Variants in DYNC1H1 observed in about 807,000 individuals in gnomAD.
DYNC1H1 encodes cytoplasmic dynein 1 heavy chain 1.
A neutral mutation model predicts 527.1 loss-of-function variants in DYNC1H1; 51 were observed. The ratio of observed to expected loss-of-function variants is 0.10; its 90% CI spans 0.08 to 0.12. The LOEUF (loss-of-function observed/expected upper bound fraction) is 0.12. DYNC1H1 is among the 10% of genes least tolerant of loss of function. The pLI, the probability that DYNC1H1 is intolerant of heterozygous loss-of-function variation, is 1.00. For synonymous variants in DYNC1H1, 2,189 were observed against 2,278.8 expected (o/e 0.96, Z 1.12); for missense variants, 2,771 against 5,971.8 (o/e 0.46, Z 17.66).
Position 102,029,795 on chromosome 14 carries a change from C to G in DYNC1H1, c.9643-24C>G. 2 of 1,614,140 alleles carry G rather than the reference C, an allele frequency of 1.2e-6. No individual in the cohort carries two copies. Among genetic ancestry groups the G allele is most frequent in the Non-Finnish European group, 1.7e-6 (2 of 1,180,032 alleles). On this transcript the variant is annotated intron_variant, in intron 49 of 77. Coordinates refer to ENST00000360184, the MANE Select transcript of DYNC1H1 (RefSeq NM_001376.5). The surrounding 1 kb of genome is among the most constrained non-coding windows in gnomAD (Gnocchi z 5.3). ...TATAATTTCTGCATGTTTCTCGTCT[C>G]TGAGTGTGGGCTTTGCTCTTTAGGT...
In DYNC1H1 at chr14:101,964,620, GTC is replaced by G. The variant is rs1328940859; in HGVS notation, c.-68_-67del. On this transcript the variant is annotated 5_prime_UTR_variant, in exon 1 of 78. Coordinates refer to ENST00000360184, the MANE Select transcript of DYNC1H1 (RefSeq NM_001376.5). This position sits in a 1 kb window ranked among gnomAD's most constrained non-coding sequence, Gnocchi z 5.5. ...GGTCCGGCTTCCGGCGGCCGTTTCT[GTC>G]TCTTGCTGGCTGTCTCGCTGAGTCG... 1 of 1,536,936 alleles carries G rather than the reference GTC, an allele frequency of 6.5e-7. No homozygotes were observed. The highest frequency in any genetic ancestry group is 1.2e-5 in the South Asian group (1 of 84,460).
In DYNC1H1 at chr14:102,000,084, C is replaced by G. The variant is rs1725610555; in HGVS notation, c.3900C>G (p.Ala1300=). ...ACGACAGAGAGAAGTGTGCAAAGGC[C>G]AAGGAGGCGCTGGAATTGACAGATA... ...LKDDREKCAK[A]KEALELTDTG... is the part of the protein sequence containing the mutation. Residue 1300 remains alanine (A), a synonymous_variant, in exon 17 of 78, where the codon GCC becomes GCG. Transcript: ENST00000360184. 1 of 1,613,976 alleles carries G rather than the reference C, an allele frequency of 6.2e-7. No individual in the cohort carries two copies. Among genetic ancestry groups the G allele is most frequent in the Admixed American group, 1.7e-5 (1 of 59,990 alleles).
Position 101,964,780 on chromosome 14 carries a change from T to C in DYNC1H1, c.89T>C (p.Leu30Pro). 6.2e-7 allele frequency: 1 copy of C among 1,601,540 alleles called. No individual in the cohort carries two copies. Among genetic ancestry groups the C allele is most frequent in the Non-Finnish European group, 8.5e-7 (1 of 1,176,544 alleles). ...AVQNVADVSV[L>P]QKHLRKLVPL... ...CAGAATGTGGCGGACGTGTCGGTGC[T>C]GCAGAAGCACCTGCGCAAGCTGGTG... Residue 30 changes from leucine (L) to proline (P), a missense_variant, in exon 1 of 78, where the codon CTG becomes CCG. Physicochemically the swap from Leu to Pro is moderately conservative, Grantham distance 98 (BLOSUM62 -3). Transcript: ENST00000360184. The surrounding 1 kb of genome is among the most constrained non-coding windows in gnomAD (Gnocchi z 5.5).
At chr14:102,037,769 A>G (rs941888572) in intron 57 of DYNC1H1, 8 of 153,230 alleles carry the variant, frequency 5.2e-5, no homozygotes, top group Admixed American at 5.2e-4. Context: ...GTGTTTTTAA[A>G]TAAAGCATGT....
rs1336490779 is a variant in DYNC1H1, at chr14:102,016,173, T to A, written c.7473+87T>A. The A allele has an allele frequency of 6.6e-7, 1 of 1,522,072 alleles. No individual in the cohort carries two copies. Among genetic ancestry groups the A allele is most frequent in the Non-Finnish European group, 8.9e-7 (1 of 1,122,810 alleles). The allele number at this position is 1,522,072 out of a possible 1,614,324, so 94.3% of individuals were successfully genotyped here. On this transcript the variant is annotated intron_variant, in intron 36 of 77. Transcript: ENST00000360184. The surrounding 1 kb of genome is among the most constrained non-coding windows in gnomAD (Gnocchi z 7.3). ...CTCTGAAATGCTGCACCTGTGGGGA[T>A]GTGCGCTCTCTCCTAGGCGAGGCAG...
chr14:102,016,798 G>A lies in DYNC1H1; in HGVS notation c.7647G>A (p.Gln2549=), dbSNP rs2152582647. 1 of 1,613,786 alleles carries A rather than the reference G, an allele frequency of 6.2e-7. No homozygotes were observed. The highest frequency in any genetic ancestry group is 2.2e-5 in the East Asian group (1 of 44,902). ...VSISGEWSPW[Q]AKVPQIEVET... ...TCAGCGGAGAATGGTCTCCGTGGCA[G>A]GCCAAGGTGCCTCAGATTGAAGTGG... The change falls in exon 38 of 78, where the codon CAG becomes CAA. Residue 2549 remains glutamine, a synonymous_variant. Transcript: ENST00000360184. This position sits in a 1 kb window ranked among gnomAD's most constrained non-coding sequence, Gnocchi z 7.3.
intron 72 of DYNC1H1, 188 bp from the exon 73 acceptor site, chr14:102,047,629 G>GTA (rs1458722887): frequency 7.6e-5 from 30 of 395,764 alleles, no homozygotes; most frequent in Admixed American, 1.2e-4. Context: ...ACGTGTGTGT[G>GTA]TGTGTGTGTG....
In DYNC1H1 at chr14:102,040,294, A is replaced by C. The variant is rs201024297; in HGVS notation, c.11749A>C (p.Ser3917Arg). The change falls in exon 63 of 78, where the codon AGT becomes CGT. Residue 3917 changes from serine (S) to arginine (R), a missense_variant. Ser to Arg is a moderately radical substitution (Grantham distance 110, BLOSUM62 -1). Coordinates refer to ENST00000360184, the MANE Select transcript of DYNC1H1 (RefSeq NM_001376.5). ...HFLRGNEIVLSAGSTPRIQGL... is the reference protein window; with the variant it reads ...HFLRGNEIVLRAGSTPRIQGL... The stretch of plus-strand genomic sequence containing the variant: ...CTTGAGAGGAAATGAGATTGTCCTG[A>C]GTGCTGGCTCCACCCCCAGGATCCA... The C allele has an allele frequency of 8.7e-6, 14 of 1,614,160 alleles. No individual in the cohort carries two copies. In the East Asian group the frequency reaches 2.9e-4, roughly 33 times the overall value.
Position 101,965,017 on chromosome 14 carries a change from G to A in DYNC1H1, c.256+70G>A, listed in dbSNP as rs944440277. The A allele has an allele frequency of 4.0e-6, 6 of 1,497,712 alleles. No individual in the cohort carries two copies. The African/African-American group carries it at 7.0e-5, about 17-fold the overall frequency. The allele number at this position is 1,497,712 out of a possible 1,614,324, so 92.8% of individuals were successfully genotyped here. On this transcript the variant is annotated intron_variant, in intron 1 of 77. Coordinates refer to ENST00000360184, the MANE Select transcript of DYNC1H1 (RefSeq NM_001376.5). The surrounding 1 kb of genome is among the most constrained non-coding windows in gnomAD (Gnocchi z 4.1). Reference sequence around the variant, plus strand: ...GAATGCAGGGCCTGCCAGGTCCTCCGGGGTCGCAGATGTCCCCGGGATGGG... The same window carrying A: ...GAATGCAGGGCCTGCCAGGTCCTCCAGGGTCGCAGATGTCCCCGGGATGGG...
chr14:102,024,301 G>A (rs111887506), intron 43 of DYNC1H1, among the ~76,000 whole-genome samples: 23 of 152,298 alleles, frequency 1.5e-4, no homozygotes, highest in African/African-American at 5.1e-4. Context: ...GACGTTTACC[G>A]AGTTACAGTC....
Position 102,053,014 on chromosome 14 carries a change from G to A in DYNC1H1, c.*2451G>A, listed in dbSNP as rs965348493. The A allele has an allele frequency of 5.9e-5, 9 of 152,136 alleles. No homozygotes were observed. Among genetic ancestry groups the A allele is most frequent in the Admixed American group, 2.6e-4 (4 of 15,264 alleles). The allele number at this position is 152,136 out of a possible 1,614,324, so 9.4% of individuals were successfully genotyped here. ...AAAGATCTAAAAGCTGAGGACAAAA[G>A]TGTTTCTCAGTCCAAGAGCAGTTCT... On this transcript the variant is annotated 3_prime_UTR_variant, in exon 78 of 78. Coordinates refer to ENST00000360184, the MANE Select transcript of DYNC1H1 (RefSeq NM_001376.5).
rs745348478 is a variant in DYNC1H1, at chr14:102,015,203, C to T, written c.7113C>T (p.Thr2371=). ...MVWFSEDVLS[T]DMIFNNFLAR... ...GGTTCAGTGAGGATGTGCTGAGCACCGACATGATCTTCAACAACTTCCTGG... is the reference window on the plus strand; with the variant it reads ...GGTTCAGTGAGGATGTGCTGAGCACTGACATGATCTTCAACAACTTCCTGG... The change falls in exon 35 of 78, where the codon ACC becomes ACT. Residue 2371 remains threonine, a synonymous_variant. Coordinates refer to ENST00000360184, the MANE Select transcript of DYNC1H1 (RefSeq NM_001376.5). This position sits in a 1 kb window ranked among gnomAD's most constrained non-coding sequence, Gnocchi z 6.9. 1.5e-5 allele frequency: 25 copies of T among 1,614,056 alleles called. No homozygotes were observed. Among genetic ancestry groups the T allele is most frequent in the South Asian group, 9.9e-5 (9 of 91,082 alleles).
intron 2 of DYNC1H1, among the ~76,000 whole-genome samples, chr14:101,976,396 G>T (rs964382544): frequency 6.6e-6 from 1 of 151,406 alleles, no homozygotes; most frequent in Non-Finnish European, 1.5e-5. Flanking sequence ...TACAAAATTA[G>T]CCAGGCGTGG....
At chr14:101,992,857 C>T (rs1462034463) in intron 11 of DYNC1H1, among the ~76,000 whole-genome samples, 1 of 152,194 alleles carries the variant, frequency 6.6e-6, no homozygotes, top group Non-Finnish European at 1.5e-5. Flanking sequence ...AGTGGCTGGT[C>T]TCCTTTCTCG....
rs1186003090 is a variant in DYNC1H1 at position 102,030,427 on chromosome 14, T to C, written c.9883+145T>C. On this transcript the variant is annotated intron_variant, in intron 51 of 77. Transcript: ENST00000360184. ...AATATCATTAGTAACCATCTGAAGC[T>C]TTTTCTGAATGCTTGAGATTGTCTT... 8.4e-6 allele frequency: 10 copies of C among 1,197,528 alleles called. No individual in the cohort carries two copies. The African/African-American group carries it at 1.4e-4, about 16-fold the overall frequency. The allele number at this position is 1,197,528 out of a possible 1,614,324, so 74.2% of individuals were successfully genotyped here.
rs1343136370 is a variant in DYNC1H1, at chr14:102,041,515, G to C, written c.11942-59G>C. The C allele has an allele frequency of 6.2e-7, 1 of 1,611,430 alleles. No individual in the cohort carries two copies. Among genetic ancestry groups the C allele is most frequent in the African/African-American group, 1.3e-5 (1 of 74,842 alleles). On this transcript the variant is annotated intron_variant, in intron 64 of 77. Coordinates refer to ENST00000360184, the MANE Select transcript of DYNC1H1 (RefSeq NM_001376.5). This position sits in a 1 kb window ranked among gnomAD's most constrained non-coding sequence, Gnocchi z 4.5. ...CTTTGGGAAGAACAGTCCAGGCAGGGGAGGGCGTCTCTGAGTCCATGCTTC... is the reference window on the plus strand; with the variant it reads ...CTTTGGGAAGAACAGTCCAGGCAGGCGAGGGCGTCTCTGAGTCCATGCTTC...
At chr14:102,009,623 G>A in intron 29 of DYNC1H1, 1 of 606,188 alleles carries the variant, frequency 1.6e-6, no homozygotes, top group Non-Finnish European at 2.8e-6. Context: ...GCTTGACCTG[G>A]GACACGTGCA....
rs1221615651 is a variant in DYNC1H1, at chr14:101,983,019, G to A, written c.962G>A (p.Gly321Asp). The change falls in exon 6 of 78, where the codon GGT (glycine) becomes GAT (aspartate). Residue 321 changes from glycine (G) to aspartate (D), a missense_variant and splice_region_variant. Around this residue, in one of 32 missense-constraint regions of DYNC1H1, gnomAD observed 264 missense variants for 619.4 expected, o/e 0.43. Transcript: ENST00000360184. The surrounding 1 kb of genome is among the most constrained non-coding windows in gnomAD (Gnocchi z 5.3). ...ATTAACTCTTTCTCTGTTAATATAG[G>A]TCTAAAACAGGCTTTGGAAACTGTG... ...HATVSFDTDT[G>D]LKQALETVND... 6.2e-7 allele frequency: 1 copy of A among 1,614,094 alleles called. No homozygotes were observed. Among genetic ancestry groups the A allele is most frequent in the Admixed American group, 1.7e-5 (1 of 60,018 alleles).
In DYNC1H1 at chr14:102,011,910, T is replaced by C; in HGVS notation, c.6654T>C (p.His2218=). The change falls in exon 33 of 78, where the codon CAT becomes CAC. Residue 2218 remains histidine (H), a synonymous_variant. Coordinates refer to ENST00000360184, the MANE Select transcript of DYNC1H1 (RefSeq NM_001376.5). The surrounding 1 kb of genome is among the most constrained non-coding windows in gnomAD (Gnocchi z 5.3). ...TCTATCAGATCACCCAGATCAATCA[T>C]GGCCTGATGATGGTGGGGCCCTCGG... ...LQLYQITQIN[H]GLMMVGPSGS... is the part of the protein sequence containing the mutation. 1 of 1,614,154 alleles carries C rather than the reference T, an allele frequency of 6.2e-7. No homozygotes were observed. Among genetic ancestry groups the C allele is most frequent in the Non-Finnish European group, 8.5e-7 (1 of 1,180,024 alleles).
Sources: allele counts gnomAD v4.1 joint callset (sites outside exome capture counted in the v4.1 genomes callset), GRCh38; gene constraint gnomAD v4.1.1; regional missense constraint gnomAD v4.1.1; non-coding constraint Gnocchi (gnomAD v3.1); transcripts MANE v1.5; gene names NCBI Gene and HGNC (gene_info 2026-07-23, HGNC 2026-07-21).